GIPC3: variants seen among roughly 807,000 people sequenced by gnomAD.
GIPC3 encodes the protein GIPC PDZ domain containing family member 3.
Under a neutral mutation model 27.3 loss-of-function variants are expected in GIPC3, and 16 were observed. The observed-to-expected ratio is 0.59, with a 90% CI of 0.40 to 0.89. GIPC3 has a LOEUF of 0.89. GIPC3 is among the 40% of genes least tolerant of loss of function. GIPC3 has a pLI of 0.00. For missense variants in GIPC3, 440 were observed against 442.1 expected (o/e 1.00, Z 0.04); for synonymous variants, 194 against 184.6 (o/e 1.05, Z -0.41).
chr19:3,592,858 T>C lies in GIPC3; in HGVS notation c.*2668T>C, dbSNP rs1161118831. 1.6e-6 allele frequency: 2 copies of C among 1,232,140 alleles called. No homozygotes were observed. Among genetic ancestry groups the C allele is most frequent in the Non-Finnish European group, 2.0e-6 (2 of 988,040 alleles). 76.3% of individuals were successfully genotyped at this position (1,232,140 alleles called of 1,614,324 possible). On this transcript the variant is annotated 3_prime_UTR_variant, in exon 6 of 6. Coordinates refer to ENST00000644452, the MANE Select transcript of GIPC3 (RefSeq NM_133261.3). Reference sequence around the variant, plus strand: ...ATCTGGCTGAGCCCTGGAAATGGAATCTGCCCACAGACCCCTGGCCTTGAC... The same window carrying C: ...ATCTGGCTGAGCCCTGGAAATGGAACCTGCCCACAGACCCCTGGCCTTGAC...
chr19:3,591,189 T>C lies in GIPC3; in HGVS notation c.*999T>C. 8.1e-7 allele frequency: 1 copy of C among 1,233,012 alleles called. No homozygotes were observed. The highest frequency in any genetic ancestry group is 3.1e-4 in the Middle Eastern group (1 of 3,216). 76.4% of individuals were successfully genotyped at this position (1,233,012 alleles called of 1,614,324 possible). ...TCCCAGCATTGAGACCAAGCCCTGT[T>C]CTAGAACTCAGGCCACCTCTGAGGC... On this transcript the variant is annotated 3_prime_UTR_variant, in exon 6 of 6. Transcript: ENST00000644452.
Position 3,586,803 on chromosome 19 carries a change from G to C in GIPC3, c.412-11G>C, listed in dbSNP as rs766301789. 2 of 1,613,322 alleles carry C rather than the reference G, an allele frequency of 1.2e-6. No individual in the cohort carries two copies. On this transcript the variant is annotated splice_polypyrimidine_tract_variant and intron_variant, in intron 2 of 5. Transcript: ENST00000644452. ...TGGGGTTGCCCTGCCAGCGACGCTG[G>C]ATCCCTGCAGAGAATCAAGGAAGGC... is the stretch of plus-strand genomic sequence containing the variant.
intron 3 of GIPC3, among the ~76,000 whole-genome samples, chr19:3,587,319 T>C (rs2032391234): frequency 6.6e-6 from 1 of 151,414 alleles, no homozygotes. Context: ...TCTCACTCTG[T>C]TGCCTGGGCT....
At chr19:3,586,302 C>G (rs1289686643) in intron 1 of GIPC3, among the ~76,000 whole-genome samples, 193 bp from the exon 2 acceptor site, 1 of 152,090 alleles carries the variant, frequency 6.6e-6, no homozygotes, top group Non-Finnish European at 1.5e-5. Context: ...CTGGAGGTCC[C>G]GGGGTATGGA....
At chr19:3,585,890 C>T in intron 1 of GIPC3, 68 bp downstream of exon 1, 1 of 1,503,808 alleles carries the variant, frequency 6.6e-7, no homozygotes, top group South Asian at 1.2e-5. Context: ...GAGCTTGGAC[C>T]CTGGACGGGA....
rs1182352735 is a variant in GIPC3 at position 3,589,480 on chromosome 19, A to G, written c.630A>G (p.Pro210=). Residue 210 remains proline (P), a synonymous_variant, in exon 4 of 6, where the codon CCA becomes CCG. Coordinates refer to ENST00000644452, the MANE Select transcript of GIPC3 (RefSeq NM_133261.3). ...AGAGAAGTCGGTCCAGCAAATGTCC[A>G]GTAGAGGCGAAAGTGACCAGCGGGA... ...IGQRSRSSKC[P]VEAKVTSGRE... The G allele has an allele frequency of 1.2e-6, 2 of 1,614,024 alleles. No homozygotes were observed. The highest frequency in any genetic ancestry group is 1.1e-5 in the South Asian group (1 of 91,056).
Position 3,589,839 on chromosome 19 carries a change from G to A in GIPC3, c.714G>A (p.Glu238=), listed in dbSNP as rs2032447402. 4 of 1,613,822 alleles carry A rather than the reference G, an allele frequency of 2.5e-6. No homozygotes were observed. Among genetic ancestry groups the A allele is most frequent in the Non-Finnish European group, 3.4e-6 (4 of 1,180,000 alleles). Residue 238 remains glutamate, a synonymous_variant, in exon 5 of 6, where the codon GAG becomes GAA. Coordinates refer to ENST00000644452, the MANE Select transcript of GIPC3 (RefSeq NM_133261.3). ...GAATVEEAPS[E]FEEEASRKVD... ...CTCCCGTGTGCCCCCAGCCCAGTGA[G>A]TTTGAGGAGGAGGCATCTCGGAAGG...
In GIPC3 at chr19:3,585,543, G is replaced by C; in HGVS notation, c.-55G>C. The C allele has an allele frequency of 2.7e-6, 3 of 1,124,224 alleles. No homozygotes were observed. Among genetic ancestry groups the C allele is most frequent in the African/African-American group, 3.3e-5 (2 of 60,662 alleles). 69.6% of individuals were successfully genotyped at this position (1,124,224 alleles called of 1,614,324 possible). A position where few individuals can be genotyped will look rare whatever the true frequency, so the allele number is the denominator to read the frequency against. On this transcript the variant is annotated 5_prime_UTR_variant, in exon 1 of 6. Coordinates refer to ENST00000644452, the MANE Select transcript of GIPC3 (RefSeq NM_133261.3). ...CGGGGGAGGGGAGGCTGCAGGAAGC[G>C]GCGGATCCGGCGGCGGCGGCGAGGG...
chr19:3,590,353 A>G lies in GIPC3; in HGVS notation c.*163A>G. ...AGAACCCAACCCTTCTCTAGAATCC[A>G]GCCCAGATCTGAGGCCAAGCTATGT... On this transcript the variant is annotated 3_prime_UTR_variant, in exon 6 of 6. Transcript: ENST00000644452. 1 of 1,441,076 alleles carries G rather than the reference A, an allele frequency of 6.9e-7. No individual in the cohort carries two copies. Among genetic ancestry groups the G allele is most frequent in the Non-Finnish European group, 9.1e-7 (1 of 1,101,828 alleles). The allele number at this position is 1,441,076 out of a possible 1,614,324, so 89.3% of individuals were successfully genotyped here.
At position 3,590,112 on chromosome 19, in the gene GIPC3, G is replaced by A. The variant is rs1399672631; in HGVS notation, c.861G>A (p.Leu287=). Residue 287 remains leucine, a synonymous_variant, in exon 6 of 6, where the codon TTG becomes TTA. Coordinates refer to ENST00000644452, the MANE Select transcript of GIPC3 (RefSeq NM_133261.3). ...QEFARCLDSV[L]GEFAFPDEFV... is the part of the protein sequence containing the mutation. ...TTGCACGCTGTTTAGACTCCGTCTT[G>A]GGCGAGTTCGCCTTCCCCGACGAGT... The A allele has an allele frequency of 6.2e-7, 1 of 1,611,214 alleles. No individual in the cohort carries two copies. Among genetic ancestry groups the A allele is most frequent in the South Asian group, 1.1e-5 (1 of 90,624 alleles).
rs978979906 is a variant in GIPC3, at chr19:3,591,769, C to T, written c.*1579C>T. ...AGCTCTAGAACCTCGCCTAGTGCTA[C>T]AACCAGGCCCAACTCCAGGATTCAG... On this transcript the variant is annotated 3_prime_UTR_variant, in exon 6 of 6. Transcript: ENST00000644452. 3.3e-5 allele frequency: 41 copies of T among 1,233,034 alleles called. No homozygotes were observed. The highest frequency in any genetic ancestry group is 8.4e-5 in the Admixed American group (2 of 23,686). 76.4% of individuals were successfully genotyped at this position (1,233,034 alleles called of 1,614,324 possible). A position where few individuals can be genotyped will look rare whatever the true frequency, so the allele number is the denominator to read the frequency against.
intron 1 of GIPC3, 109 bp downstream of exon 1, chr19:3,585,931 G>A (rs1156443775): frequency 2.1e-6 from 3 of 1,456,154 alleles, no homozygotes; most frequent in East Asian, 2.7e-5. Context: ...CAGACGTCGG[G>A]GTGGCCGCCT....
chr19:3,586,491 G>A lies in GIPC3; in HGVS notation c.226-4G>A, dbSNP rs778699916. ...TAACTCTAGGCTCCTTCTCCCCCGG[G>A]AAGATTTTATTCTGCACCCTCAACA... On this transcript the variant is annotated splice_region_variant and splice_polypyrimidine_tract_variant and intron_variant, in intron 1 of 5. Coordinates refer to ENST00000644452, the MANE Select transcript of GIPC3 (RefSeq NM_133261.3). 1.2e-6 allele frequency: 2 copies of A among 1,613,176 alleles called. No homozygotes were observed. The highest frequency in any genetic ancestry group is 1.3e-5 in the African/African-American group (1 of 74,904).
In GIPC3 at chr19:3,590,071, G is replaced by A. The variant is rs752914293; in HGVS notation, c.820G>A (p.Ala274Thr). The A allele has an allele frequency of 1.2e-6, 2 of 1,611,832 alleles. No individual in the cohort carries two copies. Among genetic ancestry groups the A allele is most frequent in the South Asian group, 1.1e-5 (1 of 90,856 alleles). The change falls in exon 6 of 6, where the codon GCG becomes ACG. Residue 274 changes from alanine (A) to threonine (T), a missense_variant. Physicochemically the swap from Ala to Thr is moderately conservative, Grantham distance 58 (BLOSUM62 0). Coordinates refer to ENST00000644452, the MANE Select transcript of GIPC3 (RefSeq NM_133261.3). ...CATGGTGGAGACGTCCAAGAAGACA[G>A]CGAGCGCCCAGGAGTTTGCACGCTG... ...STMVETSKKT[A>T]SAQEFARCLD...
At chr19:3,587,079 C>T (rs2032383580) in intron 3 of GIPC3, 85 bp downstream of exon 3, 1 of 1,322,216 alleles carries the variant, frequency 7.6e-7, no homozygotes, top group Non-Finnish European at 1.0e-6. Context: ...ATGGGACGGG[C>T]TGGAAGGTTC....
In GIPC3 at chr19:3,593,297, T is replaced by C. The variant is rs1599866988; in HGVS notation, c.*3107T>C. ...ACCGCGGGGGGCCGTAGCTTGGCTG[T>C]GACTTAGCCCTGGTTCATGTGGTTC... is the stretch of plus-strand genomic sequence containing the variant. On this transcript the variant is annotated 3_prime_UTR_variant, in exon 6 of 6. Transcript: ENST00000644452. 1 of 1,232,202 alleles carries C rather than the reference T, an allele frequency of 8.1e-7. No individual in the cohort carries two copies. Among genetic ancestry groups the C allele is most frequent in the Non-Finnish European group, 1.0e-6 (1 of 988,162 alleles). 76.3% of individuals were successfully genotyped at this position (1,232,202 alleles called of 1,614,324 possible). A position where few individuals can be genotyped will look rare whatever the true frequency, so the allele number is the denominator to read the frequency against.
At chr19:3,587,695 C>CTTTTTTCTTTTTTTTTTTTTTT (rs548820972) in intron 3 of GIPC3, among the ~76,000 whole-genome samples, 1 of 131,204 alleles carries the variant, frequency 7.6e-6, no homozygotes, top group Non-Finnish European at 1.6e-5. Flanking sequence ...CTTTTCTTTT[C>CTTTTTTCTTTTTTTTTTTTTTT]TTTTTTTTTT....
chr19:3,586,458 G>T, intron 1 of GIPC3, 37 bp from the exon 2 acceptor site: 7 of 1,595,994 alleles, frequency 4.4e-6, no homozygotes, highest in Non-Finnish European at 6.0e-6. Context: ...GGGGATGCAT[G>T]CCCTGGCTAA....
rs879083887 is a variant in GIPC3 at position 3,592,302 on chromosome 19, G to C, written c.*2112G>C. ...CCCAGACAGCTCTGGTATTCAACTG[G>C]ACTTTGGGAAGCAGAGCAGTTCTGA... On this transcript the variant is annotated 3_prime_UTR_variant, in exon 6 of 6. Transcript: ENST00000644452. 1 of 1,232,038 alleles carries C rather than the reference G, an allele frequency of 8.1e-7. No homozygotes were observed. The highest frequency in any genetic ancestry group is 4.1e-5 in the South Asian group (1 of 24,314). 76.3% of individuals were successfully genotyped at this position (1,232,038 alleles called of 1,614,324 possible).
Sources: gnomAD v4.1 joint callset for allele counts (sites outside exome capture counted in the v4.1 genomes callset) on GRCh38, gnomAD v4.1.1 for gene constraint, MANE v1.5 for transcripts, NCBI Gene and HGNC (gene_info 2026-07-23, HGNC 2026-07-21) for gene names.